Variants in APIP observed in about 807,000 individuals in gnomAD.
The protein encoded by APIP is methylthioribulose-1-phosphate dehydratase.
APIP carries 32 observed loss-of-function variants against 32.0 expected under a neutral mutation model. The ratio of observed to expected loss-of-function variants is 1.00; its 90% CI spans 0.76 to 1.34. The LOEUF (loss-of-function observed/expected upper bound fraction) is 1.34. Among genes scored for constraint, APIP ranks in the 40% most tolerant of loss-of-function variants. The probability of loss-of-function intolerance (pLI) is 0.00; values close to 1 mark genes in which losing one functional copy is unlikely to be tolerated. For synonymous variants in APIP, 92 were observed against 94.8 expected (o/e 0.97, Z 0.17); for missense variants, 247 against 298.6 (o/e 0.83, Z 1.27).
At chr11:34,911,238 G>GA (rs986782260) in intron 1 of APIP, among the ~76,000 whole-genome samples, 5 of 149,248 alleles carry the variant, frequency 3.4e-5, no homozygotes, top group Non-Finnish European at 6.0e-5. Context: ...TGAGGTCAAG[G>GA]AAAAAAAAAG....
intron 1 of APIP, among the ~76,000 whole-genome samples, chr11:34,911,950 T>C (rs1049521297): frequency 1.3e-5 from 2 of 152,202 alleles, no homozygotes; most frequent in African/African-American, 4.8e-5. Context: ...TGCCCAAGTT[T>C]CTGAAAAATA....
At chr11:34,909,554 G>A (rs1179696930) in intron 1 of APIP, among the ~76,000 whole-genome samples, 1 of 152,114 alleles carries the variant, frequency 6.6e-6, no homozygotes, top group East Asian at 1.9e-4. Context: ...TGTGTGCAAG[G>A]TTTTGTGTTG....
chr11:34,893,286 T>G (rs1164908468), intron 2 of APIP, among the ~76,000 whole-genome samples: 2 of 152,198 alleles, frequency 1.3e-5, no homozygotes, highest in Admixed American at 6.5e-5. Context: ...CTTTGCTAGT[T>G]TTTTTAAAGA....
intron 1 of APIP, among the ~76,000 whole-genome samples, chr11:34,909,462 A>C (rs1224251123): frequency 6.6e-6 from 1 of 152,160 alleles, no homozygotes; most frequent in African/African-American, 2.4e-5. Context: ...GCAGTCAAGG[A>C]AGGCCTCTCT....
chr11:34,890,441 C>T, intron 3 of APIP, 63 bp downstream of exon 3: 1 of 1,447,876 alleles, frequency 6.9e-7, no homozygotes, highest in Non-Finnish European at 9.4e-7. Flanking sequence ...AAAATTAATT[C>T]CATTTCATAA....
chr11:34,910,662 G>T (rs1051143340), intron 1 of APIP, among the ~76,000 whole-genome samples: 1 of 152,052 alleles, frequency 6.6e-6, no homozygotes, highest in Non-Finnish European at 1.5e-5. Flanking sequence ...AATAAGAATT[G>T]CTAACATTTC....
chr11:34,898,986 G>A (rs1196305743), intron 1 of APIP, among the ~76,000 whole-genome samples: 1 of 151,740 alleles, frequency 6.6e-6, no homozygotes, highest in East Asian at 1.9e-4. Flanking sequence ...TTTTAGTAGA[G>A]ATGGGGGTTT....
chr11:34,888,507 T>C, intron 4 of APIP, 79 bp from the exon 5 acceptor site: 1 of 1,549,002 alleles, frequency 6.5e-7, no homozygotes. Flanking sequence ...CATATAGTTA[T>C]ACTTATATTT....
intron 1 of APIP, among the ~76,000 whole-genome samples, chr11:34,915,630 G>A (rs1853661063): frequency 6.6e-6 from 1 of 152,178 alleles, no homozygotes; most frequent in South Asian, 2.1e-4. Context: ...TTGTGTAAAT[G>A]ACCGAAAACT....
At chr11:34,899,414 C>T (rs965247330) in intron 1 of APIP, among the ~76,000 whole-genome samples, 7 of 152,176 alleles carry the variant, frequency 4.6e-5, no homozygotes, top group Admixed American at 1.3e-4. Context: ...TTGGTTCCTA[C>T]GTTCCTTTAA....
chr11:34,898,758 T>C lies in APIP; in HGVS notation c.58-3648A>G, dbSNP rs75017304. Reference sequence around the variant, plus strand: ...TTTCCAGGTCTCTCTACTACTACTCTGGCGAGCACATAGTATTTCTTTCTT... The same window carrying C: ...TTTCCAGGTCTCTCTACTACTACTCCGGCGAGCACATAGTATTTCTTTCTT... On this transcript the variant is annotated intron_variant, in intron 1 of 6. Transcript: ENST00000395787. 7.1e-3 allele frequency among the ~76,000 whole-genome samples: 1,049 copies of C among 148,350 alleles called. 9 individuals are homozygous for C. Among genetic ancestry groups the C allele is most frequent in the Admixed American group, 0.012 (185 of 14,882 alleles).
intron 1 of APIP, among the ~76,000 whole-genome samples, chr11:34,906,873 T>C (rs1416944727): frequency 6.6e-6 from 1 of 152,226 alleles, no homozygotes; most frequent in Non-Finnish European, 1.5e-5. Context: ...CTCCTACTTA[T>C]ATGTCTTGTA....
At chr11:34,895,584 G>C (rs1853255858) in intron 1 of APIP, among the ~76,000 whole-genome samples, 1 of 152,158 alleles carries the variant, frequency 6.6e-6, no homozygotes, top group Admixed American at 6.5e-5. Context: ...TTCCAAAAAA[G>C]TCCTTTTTCC....
intron 1 of APIP, 84 bp downstream of exon 1, chr11:34,916,144 C>G: frequency 3.3e-6 from 5 of 1,532,114 alleles, no homozygotes; most frequent in Non-Finnish European, 4.4e-6. Flanking sequence ...GCCCGGCCCG[C>G]TACCCTGCGC....
At chr11:34,886,515 A>C (rs1344937948) in intron 5 of APIP, among the ~76,000 whole-genome samples, 3 of 152,142 alleles carry the variant, frequency 2.0e-5, no homozygotes, top group African/African-American at 7.2e-5. Flanking sequence ...GTTTTCAATA[A>C]ATTTCGTGTA....
At chr11:34,906,675 A>G (rs1853463749) in intron 1 of APIP, among the ~76,000 whole-genome samples, 1 of 152,222 alleles carries the variant, frequency 6.6e-6, no homozygotes, top group South Asian at 2.1e-4. Context: ...GCACTTATAA[A>G]TGAAACATGC....
intron 2 of APIP, among the ~76,000 whole-genome samples, chr11:34,893,144 A>G (rs1306537161): frequency 3.9e-5 from 6 of 152,184 alleles, no homozygotes; most frequent in African/African-American, 1.2e-4. Flanking sequence ...AGATGCGCCA[A>G]TGAGTGGTTT....
intron 5 of APIP, among the ~76,000 whole-genome samples, chr11:34,886,821 A>G (rs1853080732): frequency 6.6e-6 from 1 of 152,174 alleles, no homozygotes. Context: ...AGGCTATACC[A>G]TATACCCTGG....
chr11:34,901,094 C>G (rs545849973), intron 1 of APIP, among the ~76,000 whole-genome samples: 13 of 152,174 alleles, frequency 8.5e-5, no homozygotes, highest in African/African-American at 3.1e-4. Flanking sequence ...CCACTTCGGT[C>G]TTTTACAATA....
Sources: allele counts gnomAD v4.1 joint callset (sites outside exome capture counted in the v4.1 genomes callset), GRCh38; gene constraint gnomAD v4.1.1; transcripts MANE v1.5; gene names NCBI Gene and HGNC (gene_info 2026-07-23, HGNC 2026-07-21).